The following KNTC1 variants were observed in gnomAD, a reference collection of about 807,000 sequenced individuals.
The protein encoded by KNTC1 is kinetochore-associated protein 1.
Under a neutral mutation model 314.4 loss-of-function variants are expected in KNTC1, and 253 were observed. That is an observed-to-expected ratio of 0.80 (90% CI 0.73 to 0.89). The LOEUF is 0.89. Ranked by LOEUF, KNTC1 falls within the 40% of genes least tolerant of loss-of-function variation. The pLI is 0.00. For synonymous variants in KNTC1, 901 were observed against 901.4 expected (o/e 1.00, Z 0.01); for missense variants, 2,475 against 2,572.9 (o/e 0.96, Z 0.82).
chr12:122,546,751 G>A, intron 10 of KNTC1, 77 bp downstream of exon 10: 1 of 915,438 alleles, frequency 1.1e-6, no homozygotes, highest in Non-Finnish European at 1.7e-6. Flanking sequence ...CAAAGGCAAG[G>A]GTTTTAGCTA....
At chr12:122,562,469 G>C (rs906024581) in intron 19 of KNTC1, among the ~76,000 whole-genome samples, 169 bp from the exon 20 acceptor site, 3 of 149,766 alleles carry the variant, frequency 2.0e-5, no homozygotes, top group Non-Finnish European at 3.0e-5. Context: ...GTGTGTGTGT[G>C]TGTGTGTGTG....
In KNTC1 at chr12:122,624,760, G is replaced by A. The variant is rs760974822; in HGVS notation, c.6606+72G>A. The A allele has an allele frequency of 6.9e-6, 7 of 1,013,148 alleles. No individual in the cohort carries two copies. In the East Asian group the frequency reaches 7.2e-5, roughly 10 times the overall value. The allele number at this position is 1,013,148 out of a possible 1,614,324, so 62.8% of individuals were successfully genotyped here. On this transcript the variant is annotated intron_variant, in intron 63 of 63. Transcript: ENST00000333479. ...ATTCCTAGGGCCTTAAAATTGACAAGCCTTTTCTAGTGTTCTGGAGATAAA... is the reference window on the plus strand; with the variant it reads ...ATTCCTAGGGCCTTAAAATTGACAAACCTTTTCTAGTGTTCTGGAGATAAA...
intron 20 of KNTC1, chr12:122,563,633 G>T: frequency 3.8e-6 from 2 of 519,928 alleles, no homozygotes; most frequent in Non-Finnish European, 5.7e-6. Context: ...CCCTAGCAGC[G>T]AGAAGGGCAG....
At chr12:122,563,710 T>G in intron 20 of KNTC1, 1 of 1,282,746 alleles carries the variant, frequency 7.8e-7, no homozygotes, top group Non-Finnish European at 1.0e-6. Context: ...TGGATTTACT[T>G]ATATTTTACT....
At position 122,547,963 on chromosome 12, in the gene KNTC1, TAAG is replaced by T. The variant is rs755466315; in HGVS notation, c.985_987del (p.Lys329del). On this transcript the variant is annotated inframe_deletion, in exon 12 of 64. Transcript: ENST00000333479. ...TAATAGCTCTGACAGCTTCAGCTAA[TAAG>T]AAGGTATTGGAAAATTTTATTTTGT... 1.2e-5 allele frequency: 18 copies of T among 1,547,222 alleles called. No individual in the cohort carries two copies. The highest frequency in any genetic ancestry group is 2.8e-5 in the African/African-American group (2 of 72,536).
intron 42 of KNTC1, 135 bp from the exon 43 acceptor site, chr12:122,594,141 G>A: frequency 1.7e-6 from 1 of 605,310 alleles, no homozygotes; most frequent in East Asian, 2.8e-5. Flanking sequence ...TGGGTAGTGT[G>A]AGGTTGGAGG....
At chr12:122,617,420 G>T (rs1337719090) in intron 57 of KNTC1, 1 of 450,402 alleles carries the variant, frequency 2.2e-6, no homozygotes, top group Non-Finnish European at 4.5e-6. Context: ...TGGAGGTCTT[G>T]CTATGTTGCC....
chr12:122,555,275 G>A (rs747315856), intron 16 of KNTC1, among the ~76,000 whole-genome samples: 10 of 152,102 alleles, frequency 6.6e-5, no homozygotes, highest in Non-Finnish European at 1.2e-4. Context: ...ATACTTGGCC[G>A]GGTGCAGTGG....
chr12:122,620,658 T>C, intron 60 of KNTC1, 50 bp downstream of exon 60: 2 of 1,593,380 alleles, frequency 1.3e-6, no homozygotes, highest in Non-Finnish European at 1.7e-6. Context: ...GAAGGTTTCA[T>C]CTTGCATGTC....
In KNTC1 at chr12:122,557,379, T is replaced by C. The variant is rs761742357; in HGVS notation, c.1273-5T>C. ...ATTGCTTGATGTGGCGTGTTTATAT[T>C]ACAGCTTGTTTACAAGGTCAAGTCA... is the stretch of plus-strand genomic sequence containing the variant. On this transcript the variant is annotated splice_polypyrimidine_tract_variant and splice_region_variant and intron_variant, in intron 16 of 63. Coordinates refer to ENST00000333479, the MANE Select transcript of KNTC1 (RefSeq NM_014708.6). The C allele has an allele frequency of 1.1e-5, 17 of 1,611,112 alleles. No homozygotes were observed. The highest frequency in any genetic ancestry group is 1.4e-5 in the Non-Finnish European group (17 of 1,178,588).
intron 1 of KNTC1, among the ~76,000 whole-genome samples, chr12:122,529,303 A>G (rs1435962122): frequency 2.0e-5 from 3 of 152,234 alleles, no homozygotes; most frequent in Admixed American, 6.5e-5. Context: ...TACTTCTAGT[A>G]GCACTTATGA....
intron 20 of KNTC1, among the ~76,000 whole-genome samples, chr12:122,566,677 TG>T (rs1964364707): frequency 6.6e-6 from 1 of 151,428 alleles, no homozygotes; most frequent in Non-Finnish European, 1.5e-5. Flanking sequence ...CCCAAAGTGC[TG>T]GGTTACAGGA....
intron 10 of KNTC1, 49 bp downstream of exon 10, chr12:122,546,723 A>G: frequency 8.1e-7 from 1 of 1,238,294 alleles, no homozygotes; most frequent in East Asian, 2.5e-5. Context: ...ATGTTTTACA[A>G]CAAAAATGTC....
At chr12:122,612,779 TG>T in intron 53 of KNTC1, 1 of 205,558 alleles carries the variant, frequency 4.9e-6, no homozygotes, top group South Asian at 1.2e-4. Context: ...CAACAACAGT[TG>T]GGGGCCCTCC....
intron 57 of KNTC1, among the ~76,000 whole-genome samples, chr12:122,617,749 A>G (rs1031651957): frequency 9.2e-5 from 14 of 152,342 alleles, no homozygotes; most frequent in African/African-American, 1.4e-4. Flanking sequence ...AAACAGGGAG[A>G]TATCAGCTTA....
At chr12:122,598,522 G>A (rs944603622) in intron 44 of KNTC1, among the ~76,000 whole-genome samples, 3 of 147,094 alleles carry the variant, frequency 2.0e-5, no homozygotes, top group African/African-American at 7.5e-5. Flanking sequence ...CTGGGCTCAA[G>A]TGATACTCCA....
chr12:122,575,504 C>T (rs371561879), intron 27 of KNTC1, 39 bp from the exon 28 acceptor site: 109 of 1,414,584 alleles, frequency 7.7e-5, no homozygotes, highest in Non-Finnish European at 9.7e-5. Context: ...CATCGTAAAC[C>T]TGAGGGCTGT....
rs148291808 is a variant in KNTC1, at chr12:122,587,048, G to A, written c.3730+291G>A. Reference sequence around the variant, plus strand: ...GCCAGCCTGGTCTTGAACTCCTGACGTCAGGTGATCCACCCGCCTCAGCCT... The same window carrying A: ...GCCAGCCTGGTCTTGAACTCCTGACATCAGGTGATCCACCCGCCTCAGCCT... On this transcript the variant is annotated intron_variant, in intron 38 of 63. Coordinates refer to ENST00000333479, the MANE Select transcript of KNTC1 (RefSeq NM_014708.6). 8.7e-3 allele frequency among the ~76,000 whole-genome samples: 1,315 copies of A among 151,842 alleles called. 17 individuals carry two copies. The highest frequency in any genetic ancestry group is 0.031 in the African/African-American group (1,269 of 41,458).
intron 19 of KNTC1, 145 bp downstream of exon 19, chr12:122,562,119 G>A: frequency 1.3e-6 from 1 of 758,494 alleles, no homozygotes; most frequent in Non-Finnish European, 2.1e-6. Flanking sequence ...ATATTAATAG[G>A]TACTTACTTT....
Sources: allele counts gnomAD v4.1 joint callset (sites outside exome capture counted in the v4.1 genomes callset), GRCh38; gene constraint gnomAD v4.1.1; transcripts MANE v1.5; gene names NCBI Gene and HGNC (gene_info 2026-07-23, HGNC 2026-07-21).